Variants in SNX29 observed in about 807,000 individuals in gnomAD.
SNX29 encodes sorting nexin-29.
Under a neutral mutation model 102.1 loss-of-function variants are expected in SNX29, and 78 were observed. The ratio of observed to expected loss-of-function variants is 0.76; its 90% CI spans 0.64 to 0.92. The LOEUF (loss-of-function observed/expected upper bound fraction) is 0.92. Ranked by LOEUF, SNX29 falls within the 40% of genes least tolerant of loss-of-function variation. SNX29 has a pLI of 0.00. For missense variants in SNX29, 1,280 were observed against 1,061.7 expected, an observed-to-expected ratio of 1.21 and a Z score of -2.86; for synonymous variants, 580 against 414.5, an observed-to-expected ratio of 1.40 and a Z score of -4.85.
chr16:12,323,113 T>G (rs1416591646), intron 15 of SNX29, among the ~76,000 whole-genome samples: 1 of 149,358 alleles, frequency 6.7e-6, no homozygotes, highest in Admixed American at 6.7e-5. Context: ...GGGACCACTG[T>G]CAGGATGTGG....
intron 14 of SNX29, among the ~76,000 whole-genome samples, chr16:12,250,330 A>C (rs1368699451): frequency 6.6e-6 from 1 of 152,216 alleles, no homozygotes; most frequent in African/African-American, 2.4e-5. Context: ...GTCTGTAGAA[A>C]TGAGTGTCAG....
intron 19 of SNX29, 89 bp from the exon 20 acceptor site, chr16:12,524,613 G>A (rs2090226756): frequency 1.4e-6 from 2 of 1,466,144 alleles, no homozygotes; most frequent in South Asian, 2.8e-5. Context: ...TGCCTGGATG[G>A]CGCTGATGGG....
intron 9 of SNX29, among the ~76,000 whole-genome samples, chr16:12,064,682 C>T (rs2050941101): frequency 6.6e-6 from 1 of 152,202 alleles, no homozygotes; most frequent in Non-Finnish European, 1.5e-5. Context: ...GATTGGGACG[C>T]CAGGTTGCAT....
At chr16:12,052,408 G>C in intron 8 of SNX29, 186 bp downstream of exon 8, 1 of 553,744 alleles carries the variant, frequency 1.8e-6, no homozygotes, top group East Asian at 3.7e-5. Flanking sequence ...GTAGAGATGG[G>C]GTTTCACCAT....
intron 4 of SNX29, among the ~76,000 whole-genome samples, chr16:12,041,937 T>A (rs1168209305): frequency 6.6e-6 from 1 of 152,228 alleles, no homozygotes; most frequent in African/African-American, 2.4e-5. Flanking sequence ...GACTGAAAAC[T>A]CTTGAAAATG....
chr16:11,999,356 C>T lies in SNX29; in HGVS notation c.67C>T (p.Gln23Ter). ...LLERLLDAVK[Q>*]CQIRFGGRKE... ...GGAGCGACTGCTGGATGCAGTGAAACAGGTAAGCAGAAAGCACACATTTGC... is the reference window on the plus strand; with the variant it reads ...GGAGCGACTGCTGGATGCAGTGAAATAGGTAAGCAGAAAGCACACATTTGC... Residue 23 changes from glutamine to a stop codon, truncating the protein, a stop_gained and splice_region_variant, in exon 2 of 21, where the codon CAG (glutamine) becomes TAG (stop). Transcript: ENST00000566228. LOFTEE classifies it high-confidence loss of function. 6.2e-7 allele frequency: 1 copy of T among 1,614,042 alleles called. No homozygotes were observed. The highest frequency in any genetic ancestry group is 8.5e-7 in the Non-Finnish European group (1 of 1,179,928).
chr16:12,530,616 C>T (rs539650865), intron 20 of SNX29, among the ~76,000 whole-genome samples: 55 of 151,596 alleles, frequency 3.6e-4, no homozygotes, highest in African/African-American at 1.3e-3. Flanking sequence ...AGTGCAGTGG[C>T]GCAATCTCAG....
chr16:12,560,907 C>T (rs1029648847), intron 20 of SNX29: 5 of 195,880 alleles, frequency 2.6e-5, no homozygotes, highest in African/African-American at 4.6e-5. Flanking sequence ...TTTTTTAATC[C>T]TTTTAAAATA....
intron 16 of SNX29, among the ~76,000 whole-genome samples, chr16:12,374,170 A>T (rs541524794): frequency 1.3e-5 from 2 of 152,334 alleles, no homozygotes; most frequent in South Asian, 4.1e-4. Flanking sequence ...TTTGGATGAC[A>T]CTTCACCTAT....
In SNX29 at chr16:12,129,369, G is replaced by A. The variant is rs187201293; in HGVS notation, c.1467-261G>A. Among the ~76,000 whole-genome samples, 4 of 152,340 alleles carry A rather than the reference G, an allele frequency of 2.6e-5. No homozygotes were observed. In the East Asian group the frequency reaches 7.7e-4, roughly 29 times the overall value. ...ACCTCATTGTTTTCCCTTGATTTAA[G>A]CTGTCAGAAGGCTGGCCTGCTCGCA... On this transcript the variant is annotated intron_variant, in intron 12 of 20. Transcript: ENST00000566228.
chr16:12,570,729 C>A lies in SNX29; in HGVS notation c.*2100C>A. The stretch of plus-strand genomic sequence containing the variant: ...GCACAGGATGTGAATTGGTCTCTCT[C>A]CAGATACCCCACGAGGAAGCACCTT... On this transcript the variant is annotated 3_prime_UTR_variant, in exon 21 of 21. Coordinates refer to ENST00000566228, the MANE Select transcript of SNX29 (RefSeq NM_032167.5). 4.3e-6 allele frequency: 1 copy of A among 232,418 alleles called. No individual in the cohort carries two copies. Among genetic ancestry groups the A allele is most frequent in the Non-Finnish European group, 8.5e-6 (1 of 117,572 alleles). The allele number at this position is 232,418 out of a possible 1,614,324, so 14.4% of individuals were successfully genotyped here.
intron 16 of SNX29, among the ~76,000 whole-genome samples, chr16:12,383,359 C>T (rs887082068): frequency 1.3e-4 from 20 of 152,212 alleles, no homozygotes; most frequent in Admixed American, 1.1e-3. Context: ...GCATCTTAAA[C>T]ACTTCACTAT....
intron 1 of SNX29, among the ~76,000 whole-genome samples, chr16:11,984,725 T>A (rs1406407038): frequency 6.6e-6 from 1 of 152,108 alleles, no homozygotes; most frequent in African/African-American, 2.4e-5. Flanking sequence ...GATACAATTA[T>A]AGCTCACTGC....
rs186242296 is a variant in SNX29 at position 12,537,679 on chromosome 16, C to T, written c.2318+12838C>T. 7.9e-4 allele frequency among the ~76,000 whole-genome samples: 121 copies of T among 152,258 alleles called. 1 individual carries two copies. The Middle Eastern group carries it at 0.01, about 13-fold the overall frequency. ...TGCCCTACTTCATGTCTTTTTTAAA[C>T]ATTGGAGCATCTGAAACTTCACTTT... On this transcript the variant is annotated intron_variant, in intron 20 of 20. Transcript: ENST00000566228.
In SNX29 at chr16:12,525,653, C is replaced by G. The variant is rs1000173236; in HGVS notation, c.2318+812C>G. 2.6e-5 allele frequency among the ~76,000 whole-genome samples: 4 copies of G among 151,392 alleles called. No homozygotes were observed. The South Asian group carries it at 8.4e-4, about 32-fold the overall frequency. On this transcript the variant is annotated intron_variant, in intron 20 of 20. Transcript: ENST00000566228. ...GTTGCAGTGAGCTGAGATTGTGCCGCTGCACTCCAGCCTGGGTGACAGAGC... is the reference window on the plus strand; with the variant it reads ...GTTGCAGTGAGCTGAGATTGTGCCGGTGCACTCCAGCCTGGGTGACAGAGC...
At chr16:12,131,181 C>G (rs1471682368) in intron 13 of SNX29, among the ~76,000 whole-genome samples, 1 of 152,224 alleles carries the variant, frequency 6.6e-6, no homozygotes, top group Non-Finnish European at 1.5e-5. Flanking sequence ...TTCTGGGTCT[C>G]TGATAATGCC....
chr16:12,552,457 G>C (rs558814019), intron 20 of SNX29, among the ~76,000 whole-genome samples: 2 of 152,274 alleles, frequency 1.3e-5, no homozygotes, highest in South Asian at 2.1e-4. Context: ...AATACCTCGG[G>C]TCCATCTCAT....
intron 20 of SNX29, among the ~76,000 whole-genome samples, chr16:12,545,140 G>GCTATGAAGTACA (rs1284287252): frequency 6.6e-6 from 1 of 152,160 alleles, no homozygotes; most frequent in Non-Finnish European, 1.5e-5. Flanking sequence ...ACCTAGCACA[G>GCTATGAAGTACA]CTATGAAGTA....
intron 9 of SNX29, among the ~76,000 whole-genome samples, chr16:12,066,308 T>G (rs2051035065): frequency 6.6e-6 from 1 of 152,104 alleles, no homozygotes; most frequent in South Asian, 2.1e-4. Flanking sequence ...GGACACGACT[T>G]GTGAGCCAAG....
Sources: allele counts gnomAD v4.1 joint callset (sites outside exome capture counted in the v4.1 genomes callset), GRCh38; gene constraint gnomAD v4.1.1; transcripts MANE v1.5; gene names NCBI Gene and HGNC (gene_info 2026-07-23, HGNC 2026-07-21).